Variants in TTC27 observed in about 807,000 individuals in gnomAD.
TTC27 encodes tetratricopeptide repeat domain 27, also known as tetratricopeptide repeat protein 27.
TTC27 carries 79 observed loss-of-function variants against 115.9 expected under a neutral mutation model. The ratio of observed to expected loss-of-function variants is 0.68; its 90% CI spans 0.57 to 0.82. The LOEUF (loss-of-function observed/expected upper bound fraction) is 0.82, where lower values mean the gene tolerates loss of function less well. TTC27 is among the 40% of genes least tolerant of loss of function. TTC27 has a pLI of 0.00. For missense variants in TTC27, 1,054 were observed against 993.1 expected, an observed-to-expected ratio of 1.06 and a Z score of -0.82; for synonymous variants, 401 against 356.0, an observed-to-expected ratio of 1.13 and a Z score of -1.42.
chr2:32,790,280 T>C (rs566488871), intron 16 of TTC27, among the ~76,000 whole-genome samples: 1 of 151,906 alleles, frequency 6.6e-6, no homozygotes, highest in East Asian at 1.9e-4. Context: ...ATTTTTTTTT[T>C]GTGTGTGTGT....
intron 4 of TTC27, among the ~76,000 whole-genome samples, chr2:32,646,120 C>G (rs895998467): frequency 1.3e-5 from 2 of 151,952 alleles, no homozygotes; most frequent in African/African-American, 4.8e-5. Flanking sequence ...CCTCTGCCTC[C>G]TGGGTTCACG....
chr2:32,745,619 G>A (rs77184044), intron 12 of TTC27, among the ~76,000 whole-genome samples: 7,390 of 152,096 alleles, frequency 0.049, 203 homozygotes, highest in East Asian at 0.095. Flanking sequence ...GGCAGCTTAT[G>A]GGTGAATATA....
chr2:32,736,749 T>C lies in TTC27; in HGVS notation c.1385T>C (p.Ile462Thr), dbSNP rs1351027128. The C allele has an allele frequency of 2.3e-5, 37 of 1,613,968 alleles. No individual in the cohort carries two copies. Among genetic ancestry groups the C allele is most frequent in the Non-Finnish European group, 2.5e-5 (30 of 1,179,970 alleles). ...ELGCTSSALQIFEKLEMWEDV... is the reference protein window; with the variant it reads ...ELGCTSSALQTFEKLEMWEDV... ...GGATGTACCAGTTCAGCCCTTCAGA[T>C]ATTTGAAAAGCTAGAAATGTGGGAA... is the stretch of plus-strand genomic sequence containing the variant. Residue 462 changes from isoleucine to threonine, a missense_variant, in exon 12 of 20, where the codon ATA becomes ACA. Ile to Thr is a moderately conservative substitution (Grantham distance 89). Transcript: ENST00000317907.
At chr2:32,717,549 CT>C (rs142462180) in intron 10 of TTC27, among the ~76,000 whole-genome samples, 5 of 151,156 alleles carry the variant, frequency 3.3e-5, no homozygotes, top group African/African-American at 7.3e-5. Flanking sequence ...TTCTTGTTTC[CT>C]TTTTTTTTGT....
rs115673829 is a variant in TTC27 at position 32,737,411 on chromosome 2, A to G, written c.1452+595A>G. ...TGTTAGTCACTTTAAAAACTGACAC[A>G]TTGAAATCATATGTTAAATTTTGGA... is the stretch of plus-strand genomic sequence containing the variant. On this transcript the variant is annotated intron_variant, in intron 12 of 19. Transcript: ENST00000317907. 7.1e-3 allele frequency among the ~76,000 whole-genome samples: 1,078 copies of G among 152,268 alleles called. 11 individuals are homozygous for G. Among genetic ancestry groups the G allele is most frequent in the African/African-American group, 0.024 (977 of 41,550 alleles).
rs948668722 is a variant in TTC27, at chr2:32,628,055, C to T, written c.-238C>T. On this transcript the variant is annotated 5_prime_UTR_variant, in exon 1 of 20. Transcript: ENST00000317907. The stretch of plus-strand genomic sequence containing the variant: ...TCCTTACTCAAGCTCGGGTTCTTCT[C>T]CTAGGCGGAAGCCAGACCAGAGAGC... 16 of 510,150 alleles carry T rather than the reference C, an allele frequency of 3.1e-5. No homozygotes were observed. The highest frequency in any genetic ancestry group is 1.9e-4 in the East Asian group (5 of 26,412). 31.6% of individuals were successfully genotyped at this position (510,150 alleles called of 1,614,324 possible). A position where few individuals can be genotyped will look rare whatever the true frequency, so the allele number is the denominator to read the frequency against.
At position 32,820,944 on chromosome 2, in the gene TTC27, C is replaced by G; in HGVS notation, c.*6C>G. 3 of 1,478,696 alleles carry G rather than the reference C, an allele frequency of 2.0e-6. No homozygotes were observed. Among genetic ancestry groups the G allele is most frequent in the South Asian group, 1.4e-5 (1 of 70,514 alleles). The allele number at this position is 1,478,696 out of a possible 1,614,324, so 91.6% of individuals were successfully genotyped here. On this transcript the variant is annotated 3_prime_UTR_variant, in exon 20 of 20. Coordinates refer to ENST00000317907, the MANE Select transcript of TTC27 (RefSeq NM_017735.5). ...AGTTTCGAAATCAGTATTGATTCTG[C>G]TGGAAGCAGATTCTGGAAAAGGTGC...
intron 19 of TTC27, among the ~76,000 whole-genome samples, chr2:32,820,580 G>T (rs1257756300): frequency 6.6e-6 from 1 of 152,170 alleles, no homozygotes; most frequent in Non-Finnish European, 1.5e-5. Flanking sequence ...AGGCAAATGC[G>T]TTGAAGAGCA....
chr2:32,702,455 C>G (rs1250156123), intron 9 of TTC27, among the ~76,000 whole-genome samples: 2 of 152,080 alleles, frequency 1.3e-5, no homozygotes, highest in African/African-American at 4.8e-5. Flanking sequence ...ATGATTTCTA[C>G]TATGTTCTCT....
Position 32,650,162 on chromosome 2 carries a change from A to C in TTC27, c.569A>C (p.Asn190Thr), listed in dbSNP as rs1009322148. Residue 190 changes from asparagine to threonine, a missense_variant, in exon 5 of 20, where the codon AAT becomes ACT. Asn to Thr is a moderately conservative substitution (Grantham distance 65). Coordinates refer to ENST00000317907, the MANE Select transcript of TTC27 (RefSeq NM_017735.5). ...CCATGGTGGACTTTGAGATGTGTGA[A>C]TATTCATCAGCATTTGCTTGAGGAA... The part of the protein sequence containing the change: ...SLPWWTLRCV[N>T]IHQHLLEERS... 3.1e-6 allele frequency: 5 copies of C among 1,613,716 alleles called. No individual in the cohort carries two copies. The highest frequency in any genetic ancestry group is 1.7e-5 in the Admixed American group (1 of 59,976).
intron 16 of TTC27, among the ~76,000 whole-genome samples, chr2:32,798,715 ATAATAATAAT>A (rs1670812054): frequency 7.7e-6 from 1 of 129,786 alleles, no homozygotes; most frequent in Non-Finnish European, 1.6e-5. Context: ...AAAAAAAAAA[ATAATAATAAT>A]AATAATAATA....
chr2:32,739,687 A>G (rs1200066023), intron 12 of TTC27, among the ~76,000 whole-genome samples: 1 of 152,134 alleles, frequency 6.6e-6, no homozygotes, highest in Non-Finnish European at 1.5e-5. Flanking sequence ...TTAACCCATA[A>G]AAGACCTCCT....
intron 12 of TTC27, among the ~76,000 whole-genome samples, chr2:32,746,006 G>A (rs1205279826): frequency 2.0e-5 from 3 of 152,150 alleles, no homozygotes; most frequent in African/African-American, 7.2e-5. Flanking sequence ...TTAGTTTTGT[G>A]CTGAGATAGT....
intron 7 of TTC27, among the ~76,000 whole-genome samples, chr2:32,670,316 A>AT (rs1665965305): frequency 6.6e-6 from 1 of 152,202 alleles, no homozygotes; most frequent in African/African-American, 2.4e-5. Context: ...AGATTTAACA[A>AT]TTAGACGCGT....
chr2:32,723,515 A>C (rs991171810), intron 10 of TTC27, among the ~76,000 whole-genome samples: 2 of 152,154 alleles, frequency 1.3e-5, no homozygotes, highest in Non-Finnish European at 2.9e-5. Context: ...GTATACACCA[A>C]GCTCTGGGGT....
chr2:32,733,205 G>A (rs1271508686), intron 10 of TTC27, among the ~76,000 whole-genome samples: 1 of 152,228 alleles, frequency 6.6e-6, no homozygotes, highest in Non-Finnish European at 1.5e-5. Flanking sequence ...GCTTCTTGAT[G>A]TAGCTTCTGA....
Position 32,820,876 on chromosome 2 carries a change from G to A in TTC27, c.2470G>A (p.Ala824Thr), listed in dbSNP as rs1671678116. 1 of 1,544,678 alleles carries A rather than the reference G, an allele frequency of 6.5e-7. No homozygotes were observed. The change falls in exon 20 of 20, where the codon GCT (alanine) becomes ACT (threonine). Residue 824 changes from alanine to threonine, a missense_variant. Transcript: ENST00000317907. ...CAGGGAATTAGCTGATGACATAACA[G>A]CTATGGACACCTTAGTGACAGAGCT... ...MSRELADDITAMDTLVTELQD... is the reference protein window; with the variant it reads ...MSRELADDITTMDTLVTELQD...
chr2:32,758,265 C>T, intron 12 of TTC27, 27 bp from the exon 13 acceptor site: 1 of 1,600,878 alleles, frequency 6.2e-7, no homozygotes, highest in East Asian at 2.2e-5. Context: ...CACTCTTAAG[C>T]AATTTCATTA....
At chr2:32,798,612 G>A (rs1334515682) in intron 16 of TTC27, among the ~76,000 whole-genome samples, 3 of 150,526 alleles carry the variant, frequency 2.0e-5, no homozygotes, top group Non-Finnish European at 4.4e-5. Flanking sequence ...GGCTGAGGCA[G>A]GAGAATGGCA....
Sources: allele counts gnomAD v4.1 joint callset (sites outside exome capture counted in the v4.1 genomes callset), GRCh38; gene constraint gnomAD v4.1.1; transcripts MANE v1.5; gene names NCBI Gene and HGNC (gene_info 2026-07-23, HGNC 2026-07-21).